ABLIM3: variants seen among roughly 807,000 people sequenced by gnomAD.
ABLIM3 encodes actin binding LIM protein family member 3, also known as actin-binding LIM protein 3.
In ABLIM3, 61 loss-of-function variants were observed where a neutral mutation model predicts 109.5. The observed-to-expected ratio is 0.56, with a 90% CI of 0.45 to 0.69. The LOEUF is 0.69. ABLIM3 is among the 30% of genes least tolerant of loss of function. ABLIM3 has a pLI of 0.00. For synonymous variants in ABLIM3, 300 were observed against 324.8 expected, an observed-to-expected ratio of 0.92 and a Z score of 0.82; for missense variants, 796 against 889.5, an observed-to-expected ratio of 0.89 and a Z score of 1.34.
chr5:149,143,227 G>A (rs1006101641), intron 2 of ABLIM3, among the ~76,000 whole-genome samples: 2 of 152,004 alleles, frequency 1.3e-5, no homozygotes, highest in African/African-American at 4.8e-5. Flanking sequence ...GCCAGGTGTG[G>A]TGGTGTGGGC....
chr5:149,156,567 G>C (rs1427412924), intron 2 of ABLIM3, among the ~76,000 whole-genome samples: 1 of 152,192 alleles, frequency 6.6e-6, no homozygotes, highest in Admixed American at 6.5e-5. Context: ...AAAGAAGAGT[G>C]GTATATATAT....
At chr5:149,171,874 G>C (rs1196103887) in intron 2 of ABLIM3, among the ~76,000 whole-genome samples, 1 of 143,440 alleles carries the variant, frequency 7.0e-6, no homozygotes, top group East Asian at 2.2e-4. Context: ...GTGAAATTTG[G>C]CATAGACCAG....
intron 8 of ABLIM3, among the ~76,000 whole-genome samples, chr5:149,221,361 G>T (rs1396765508): frequency 6.6e-6 from 1 of 152,150 alleles, no homozygotes; most frequent in Non-Finnish European, 1.5e-5. Context: ...AGAGAGTGTT[G>T]GGATGCCTGC....
rs17722496 is a variant in ABLIM3 at position 149,153,332 on chromosome 5, T to A, written c.13+11224T>A. On this transcript the variant is annotated intron_variant, in intron 2 of 23. Coordinates refer to ENST00000309868, the MANE Select transcript of ABLIM3 (RefSeq NM_014945.5). ...CTTTCCTCCACTCTCCTGTGTTCCA[T>A]CTGTCACCACATCTGGTCATTTCTA... Among the ~76,000 whole-genome samples, 1,223 of 152,324 alleles carry A rather than the reference T, an allele frequency of 8.0e-3. 87 individuals are homozygous for A. In the East Asian group the frequency reaches 0.15, roughly 19 times the overall value.
chr5:149,168,909 T>C (rs1272863595), intron 2 of ABLIM3, among the ~76,000 whole-genome samples: 1 of 152,168 alleles, frequency 6.6e-6, no homozygotes, highest in African/African-American at 2.4e-5. Flanking sequence ...TTGTTTAAAA[T>C]GTAAAGCCCA....
In ABLIM3 at chr5:149,238,992, G is replaced by A. The variant is rs186941413; in HGVS notation, c.1045-256G>A. 3.1e-3 allele frequency among the ~76,000 whole-genome samples: 465 copies of A among 152,330 alleles called. 1 individual carries two copies. Among genetic ancestry groups the A allele is most frequent in the Non-Finnish European group, 5.0e-3 (341 of 68,034 alleles). ...CCTGCCACTTCTGCCCTGAGTGGCC[G>A]TGAGCCTTCGTATTCTCTCTCTGGG... On this transcript the variant is annotated intron_variant, in intron 11 of 23. Transcript: ENST00000309868.
Position 149,259,013 on chromosome 5 carries a change from A to G in ABLIM3, c.*609A>G. The G allele has an allele frequency of 1.0e-6, 1 of 999,692 alleles. No homozygotes were observed. Among genetic ancestry groups the G allele is most frequent in the Non-Finnish European group, 1.2e-6 (1 of 838,394 alleles). 61.9% of individuals were successfully genotyped at this position (999,692 alleles called of 1,614,324 possible). A position where few individuals can be genotyped will look rare whatever the true frequency, so the allele number is the denominator to read the frequency against. The stretch of plus-strand genomic sequence containing the variant: ...GCCTAGGCCTCTCCTCAGCTCCTTA[A>G]CCCTCCTCCTTCTGCCCTGGATTGT... On this transcript the variant is annotated 3_prime_UTR_variant, in exon 24 of 24. Transcript: ENST00000309868.
At chr5:149,164,367 C>T (rs73798011) in intron 2 of ABLIM3, 1 of 152,320 alleles carries the variant, frequency 6.6e-6, no homozygotes, top group African/African-American at 2.4e-5. Context: ...CTCCAGGGTA[C>T]AGAGAACTGA....
intron 5 of ABLIM3, among the ~76,000 whole-genome samples, chr5:149,201,777 G>A (rs1758514474): frequency 6.6e-6 from 1 of 152,102 alleles, no homozygotes. Flanking sequence ...ACGACCCTGT[G>A]GCCAATGCTG....
At position 149,259,431 on chromosome 5, in the gene ABLIM3, C is replaced by G. The variant is rs1208403571; in HGVS notation, c.*1027C>G. The G allele has an allele frequency of 1.3e-6, 2 of 1,518,262 alleles. No homozygotes were observed. Among genetic ancestry groups the G allele is most frequent in the Admixed American group, 2.0e-5 (1 of 49,860 alleles). The allele number at this position is 1,518,262 out of a possible 1,614,324, so 94.0% of individuals were successfully genotyped here. A position where few individuals can be genotyped will look rare whatever the true frequency, so the allele number is the denominator to read the frequency against. On this transcript the variant is annotated 3_prime_UTR_variant, in exon 24 of 24. Coordinates refer to ENST00000309868, the MANE Select transcript of ABLIM3 (RefSeq NM_014945.5). ...ATCATCCTCCAGAGAGAAAATAGGC[C>G]GTGTCTCAAAGAAAGGTTCTTGGTC...
At chr5:149,207,438 T>C (rs1209879685) in intron 6 of ABLIM3, among the ~76,000 whole-genome samples, 1 of 152,180 alleles carries the variant, frequency 6.6e-6, no homozygotes, top group African/African-American at 2.4e-5. Flanking sequence ...TTTTGGGCCC[T>C]CAGAGTACCT....
At chr5:149,216,327 A>G (rs1316087957) in intron 7 of ABLIM3, among the ~76,000 whole-genome samples, 56 of 152,224 alleles carry the variant, frequency 3.7e-4, no homozygotes, top group Non-Finnish European at 7.3e-5. Context: ...ATCACTTGCC[A>G]TATTGCATGT....
Position 149,198,008 on chromosome 5 carries a change from GCC to G in ABLIM3, c.152-208_152-207del. Among the ~76,000 whole-genome samples, 1 of 149,182 alleles carries G rather than the reference GCC, an allele frequency of 6.7e-6. No individual in the cohort carries two copies. Reference sequence around the variant, plus strand: ...ACTGGCCATTCTTTAAGGAATACTGGCCCCAAAGGCCTGTGAAGTCTGACATG... The same window carrying G: ...ACTGGCCATTCTTTAAGGAATACTGGCCAAAGGCCTGTGAAGTCTGACATG... On this transcript the variant is annotated intron_variant, in intron 3 of 23. Transcript: ENST00000309868. The surrounding 1 kb of genome is among the most constrained non-coding windows in gnomAD (Gnocchi z 4.2).
chr5:149,156,029 G>C (rs1753842988), intron 2 of ABLIM3, among the ~76,000 whole-genome samples: 1 of 152,260 alleles, frequency 6.6e-6, no homozygotes, highest in Non-Finnish European at 1.5e-5. Flanking sequence ...CAGCAATGCA[G>C]TTGTGAGTGG....
chr5:149,242,998 C>G (rs985243843), intron 15 of ABLIM3, among the ~76,000 whole-genome samples: 1 of 152,174 alleles, frequency 6.6e-6, no homozygotes, highest in African/African-American at 2.4e-5. Context: ...AACTTGGGAA[C>G]CCCTGCTGTA....
chr5:149,233,390 T>C, intron 10 of ABLIM3, 90 bp downstream of exon 10: 5 of 1,334,132 alleles, frequency 3.7e-6, no homozygotes, highest in Non-Finnish European at 5.4e-6. Context: ...CTCTCAAGTT[T>C]TCATCCAGCT....
At chr5:149,204,747 G>C (rs780858758) in intron 5 of ABLIM3, among the ~76,000 whole-genome samples, 7 of 152,356 alleles carry the variant, frequency 4.6e-5, no homozygotes, top group South Asian at 2.1e-4. Flanking sequence ...ATTCAGATGA[G>C]CAAGTCTGGG....
At chr5:149,223,630 C>T (rs1401372542) in intron 8 of ABLIM3, among the ~76,000 whole-genome samples, 1 of 152,200 alleles carries the variant, frequency 6.6e-6, no homozygotes, top group African/African-American at 2.4e-5. Flanking sequence ...TGCTCTCCTG[C>T]CCAGACTGGC....
chr5:149,215,928 C>A (rs1314350582), intron 7 of ABLIM3, among the ~76,000 whole-genome samples: 2 of 152,194 alleles, frequency 1.3e-5, no homozygotes, highest in Admixed American at 1.3e-4. Flanking sequence ...TTGCAGTGAA[C>A]CCTTGAGGCA....
Sources: gnomAD v4.1 joint callset for allele counts (sites outside exome capture counted in the v4.1 genomes callset) on GRCh38, gnomAD v4.1.1 for gene constraint, Gnocchi (gnomAD v3.1) non-coding constraint, MANE v1.5 for transcripts, NCBI Gene and HGNC (gene_info 2026-07-23, HGNC 2026-07-21) for gene names.